PLS3: variants seen among roughly 807,000 people sequenced by gnomAD.
PLS3 encodes plastin 3, also known as plastin-3.
In PLS3, 11 loss-of-function variants were observed where a neutral mutation model predicts 46.5. That is an observed-to-expected ratio of 0.24 (90% CI 0.15 to 0.39). PLS3 has a LOEUF of 0.39. Ranked by LOEUF, PLS3 falls within the 10% of genes least tolerant of loss-of-function variation. The pLI is 1.00. For synonymous variants in PLS3, 167 were observed against 162.2 expected, an observed-to-expected ratio of 1.03 and a Z score of -0.22; for missense variants, 308 against 461.8, an observed-to-expected ratio of 0.67 and a Z score of 3.05.
chrX:115,577,816 A>C (rs1556631382), intron 1 of PLS3, among the ~76,000 whole-genome samples: 1 of 111,362 alleles, frequency 9.0e-6, no homozygotes, highest in South Asian at 3.8e-4. Flanking sequence ...TATCATTCTC[A>C]GAGTCAGTGT....
chrX:115,640,324 G>A (rs1224083113), intron 8 of PLS3, 84 bp from the exon 9 acceptor site: 4 of 700,609 alleles, frequency 5.7e-6, no homozygotes, highest in Admixed American at 2.5e-5. Context: ...AAAATCCAAT[G>A]CAAATAGCCT....
chrX:115,587,734 CAA>C (rs60273885), intron 1 of PLS3, among the ~76,000 whole-genome samples: 7 of 42,510 alleles, frequency 1.6e-4, no homozygotes, highest in Admixed American at 6.2e-4. Context: ...GACTCCGTCT[CAA>C]AAAAAAAAAA....
In PLS3 at chrX:115,622,479, T is replaced by C. The variant is rs2074666498; in HGVS notation, c.237+70T>C. 4.8e-6 allele frequency: 3 copies of C among 630,574 alleles called. No individual in the cohort carries two copies. In the South Asian group the frequency reaches 1.0e-4, roughly 21 times the overall value. 52.0% of individuals were successfully genotyped at this position (630,574 alleles called of 1,213,427 possible). ...CCTCGTCTAGTGGGATGTTATAGTA[T>C]TAAGTACTGTTATGTTAAGTTCTTA... On this transcript the variant is annotated intron_variant, in intron 3 of 15. Coordinates refer to ENST00000355899, the MANE Select transcript of PLS3 (RefSeq NM_005032.7).
chrX:115,574,153 G>A (rs1556630965), intron 1 of PLS3, among the ~76,000 whole-genome samples: 2 of 111,842 alleles, frequency 1.8e-5, no homozygotes. Flanking sequence ...CATGTACCAT[G>A]GGAAAGAGCT....
At chrX:115,631,000 T>C (rs1448880178) in intron 5 of PLS3, among the ~76,000 whole-genome samples, 1 of 97,932 alleles carries the variant, frequency 1.0e-5, no homozygotes, top group Non-Finnish European at 2.0e-5. Flanking sequence ...TATATATACG[T>C]ATATAAAGTA....
intron 1 of PLS3, among the ~76,000 whole-genome samples, chrX:115,585,288 G>A (rs1556632276): frequency 9.0e-6 from 1 of 111,662 alleles, no homozygotes; most frequent in Non-Finnish European, 1.9e-5. Context: ...ATGCTTAATC[G>A]GTATTTATCT....
At chrX:115,635,181 A>T (rs1556640009) in intron 7 of PLS3, 135 bp downstream of exon 7, 4 of 489,004 alleles carry the variant, frequency 8.2e-6, no homozygotes, top group Non-Finnish European at 1.3e-5. Flanking sequence ...CTATAGAGTT[A>T]TTCAGGAAAA....
chrX:115,635,741 G>A (rs1351262097), intron 7 of PLS3, among the ~76,000 whole-genome samples: 2 of 108,949 alleles, frequency 1.8e-5, no homozygotes, highest in African/African-American at 6.7e-5. Context: ...TGTAATCCCA[G>A]CACTTTGGGA....
At chrX:115,610,399 C>T in intron 2 of PLS3, 76 bp downstream of exon 2, 1 of 486,237 alleles carries the variant, frequency 2.1e-6, no homozygotes, top group Non-Finnish European at 3.4e-6. Flanking sequence ...ATAAATATCA[C>T]ATGAATGGTT....
intron 8 of PLS3, among the ~76,000 whole-genome samples, chrX:115,638,402 C>A (rs1198254209): frequency 9.0e-6 from 1 of 111,514 alleles, no homozygotes; most frequent in African/African-American, 3.3e-5. Context: ...AGCCACTGTG[C>A]CCGGCCTGAT....
intron 1 of PLS3, among the ~76,000 whole-genome samples, chrX:115,581,075 A>G (rs1164731965): frequency 1.8e-5 from 2 of 110,918 alleles, no homozygotes; most frequent in Non-Finnish European, 3.8e-5. Flanking sequence ...GACCTTTTTT[A>G]ATGGCCAAAA....
chrX:115,582,028 C>A (rs1352051254), intron 1 of PLS3, among the ~76,000 whole-genome samples: 18 of 112,192 alleles, frequency 1.6e-4, no homozygotes, highest in East Asian at 8.4e-4. Context: ...AAAGAAGATG[C>A]AATATAATGG....
At chrX:115,606,789 A>G (rs1311681360) in intron 1 of PLS3, among the ~76,000 whole-genome samples, 1 of 111,558 alleles carries the variant, frequency 9.0e-6, no homozygotes, top group Non-Finnish European at 1.9e-5. Context: ...GAAACAGAAT[A>G]TTTTTAGAAT....
At chrX:115,640,032 C>G (rs1454323595) in intron 8 of PLS3, 2 of 690,739 alleles carry the variant, frequency 2.9e-6, no homozygotes, top group Non-Finnish European at 4.4e-6. Flanking sequence ...ATGATATAAC[C>G]TGTTTATTTT....
At chrX:115,639,545 T>C (rs1266139162) in intron 8 of PLS3, among the ~76,000 whole-genome samples, 1 of 111,968 alleles carries the variant, frequency 8.9e-6, no homozygotes, top group African/African-American at 3.2e-5. Context: ...GTCTGGACCT[T>C]CAAAGCCCAG....
At chrX:115,615,517 G>T (rs903796534) in intron 2 of PLS3, among the ~76,000 whole-genome samples, 1 of 105,580 alleles carries the variant, frequency 9.5e-6, no homozygotes, top group East Asian at 3.0e-4. Context: ...GAGAGAGAGA[G>T]AGAGAGAGAG....
chrX:115,626,864 T>G (rs939371600), intron 3 of PLS3, among the ~76,000 whole-genome samples: 1 of 107,985 alleles, frequency 9.3e-6, no homozygotes, highest in Non-Finnish European at 1.9e-5. Context: ...CTTTTTTTTT[T>G]TCTGAGACAG....
chrX:115,595,750 C>A, intron 1 of PLS3, among the ~76,000 whole-genome samples: 1 of 91,918 alleles, frequency 1.1e-5, no homozygotes, highest in East Asian at 3.3e-4. Context: ...AGTGCAGTGG[C>A]ACGATCTTGG....
chrX:115,566,020 G>A (rs2074169659), intron 1 of PLS3, among the ~76,000 whole-genome samples: 1 of 111,903 alleles, frequency 8.9e-6, no homozygotes, highest in Non-Finnish European at 1.9e-5. Context: ...GTCATATCTG[G>A]GTTTCACTTT....
Sources: allele counts gnomAD v4.1 joint callset (sites outside exome capture counted in the v4.1 genomes callset), GRCh38; gene constraint gnomAD v4.1.1; transcripts MANE v1.5; gene names NCBI Gene and HGNC (gene_info 2026-07-23, HGNC 2026-07-21).